The following UTRN variants were observed in gnomAD, a reference collection of about 807,000 sequenced individuals.
The protein encoded by UTRN is dystrophin-related protein 1.
UTRN carries 283 observed loss-of-function variants against 463.9 expected under a neutral mutation model. That is an observed-to-expected ratio of 0.61 (90% CI 0.55 to 0.67). UTRN has a LOEUF of 0.67. Ranked by LOEUF, UTRN falls within the 30% of genes least tolerant of loss-of-function variation. The pLI is 0.00. For synonymous variants in UTRN, 1,442 were observed against 1,431.5 expected (o/e 1.01, Z -0.17); for missense variants, 3,922 against 4,084.3 (o/e 0.96, Z 1.08).
In UTRN at chr6:144,757,918, T is replaced by G. The variant is rs1360431209; in HGVS notation, c.8435-11T>G. 20 of 1,606,376 alleles carry G rather than the reference T, an allele frequency of 1.2e-5. No homozygotes were observed. Among genetic ancestry groups the G allele is most frequent in the Non-Finnish European group, 1.6e-5 (19 of 1,176,092 alleles). On this transcript the variant is annotated splice_polypyrimidine_tract_variant and intron_variant, in intron 57 of 74. Coordinates refer to ENST00000367545, the MANE Select transcript of UTRN (RefSeq NM_007124.3). ...TCCAACGTTTCCAATAATCTCCCTT[T>G]GTTTCCTCAGCGTCAGTCCAGCTGC... is the stretch of plus-strand genomic sequence containing the variant.
At chr6:144,707,643 T>C (rs767261879) in intron 53 of UTRN, among the ~76,000 whole-genome samples, 6 of 152,200 alleles carry the variant, frequency 3.9e-5, no homozygotes. Context: ...GCTCAACCTA[T>C]AGTGTAAATC....
rs181818302 is a variant in UTRN at position 144,360,015 on chromosome 6, T to C, written c.80-43108T>C. On this transcript the variant is annotated intron_variant, in intron 2 of 74. Transcript: ENST00000367545. The stretch of plus-strand genomic sequence containing the variant: ...CCTCTGGTTTCAGTACCCTTTTATT[T>C]CTCTTTTCTTTTCTTTTTTCCCTTC... 1.6e-4 allele frequency among the ~76,000 whole-genome samples: 24 copies of C among 150,648 alleles called. No individual in the cohort carries two copies. The South Asian group carries it at 4.0e-3, about 25-fold the overall frequency.
chr6:144,428,985 T>A, intron 8 of UTRN, 92 bp downstream of exon 8: 1 of 810,718 alleles, frequency 1.2e-6, no homozygotes, highest in Non-Finnish European at 1.9e-6. Context: ...AAAAATGAAT[T>A]ATGAGACTTG....
intron 34 of UTRN, among the ~76,000 whole-genome samples, chr6:144,501,850 A>G (rs1432785334): frequency 6.6e-6 from 1 of 152,148 alleles, no homozygotes. Context: ...TGCACCTACC[A>G]CATGCGAATG....
chr6:144,514,164 T>C, intron 36 of UTRN, 127 bp downstream of exon 36: 1 of 1,308,804 alleles, frequency 7.6e-7, no homozygotes, highest in Non-Finnish European at 1.1e-6. Flanking sequence ...TAACATTTAT[T>C]TTGATGGGAG....
chr6:144,533,074 C>G lies in UTRN; in HGVS notation c.6058-11C>G, dbSNP rs1361304908. ...TTAGTGAAACTAATCTTGAGTTGTGCTCTGTTACAGGAACTTGAGGTGGGC... is the reference window on the plus strand; with the variant it reads ...TTAGTGAAACTAATCTTGAGTTGTGGTCTGTTACAGGAACTTGAGGTGGGC... On this transcript the variant is annotated splice_polypyrimidine_tract_variant and intron_variant, in intron 42 of 74. Coordinates refer to ENST00000367545, the MANE Select transcript of UTRN (RefSeq NM_007124.3). 6.8e-7 allele frequency: 1 copy of G among 1,463,318 alleles called. No homozygotes were observed. Among genetic ancestry groups the G allele is most frequent in the African/African-American group, 1.4e-5 (1 of 71,662 alleles). 90.6% of individuals were successfully genotyped at this position (1,463,318 alleles called of 1,614,324 possible).
intron 73 of UTRN, among the ~76,000 whole-genome samples, chr6:144,843,934 A>G (rs1216370412): frequency 1.3e-5 from 2 of 152,214 alleles, no homozygotes; most frequent in African/African-American, 2.4e-5. Context: ...TATAATAGTC[A>G]TAGTTTTCTG....
At chr6:144,291,655 G>A (rs1012326755) in intron 1 of UTRN, 82 bp from the exon 2 acceptor site, 2 of 453,208 alleles carry the variant, frequency 4.4e-6, no homozygotes, top group African/African-American at 4.0e-5. Flanking sequence ...TAAATATTTG[G>A]TGAATGAATA....
In UTRN at chr6:144,824,775, G is replaced by C. The variant is rs531941290; in HGVS notation, c.9495-2573G>C. Among the ~76,000 whole-genome samples, 241 of 145,200 alleles carry C rather than the reference G, an allele frequency of 1.7e-3. 6 individuals are homozygous for C. The highest frequency in any genetic ancestry group is 5.8e-3 in the African/African-American group (220 of 37,920). On this transcript the variant is annotated intron_variant, in intron 66 of 74. Coordinates refer to ENST00000367545, the MANE Select transcript of UTRN (RefSeq NM_007124.3). ...TAGGCAGTATGTGAAGTTGGTGGTG[G>C]GGGGGGGTGTCCCCCCAGCGTTAAG... is the stretch of plus-strand genomic sequence containing the variant.
intron 2 of UTRN, among the ~76,000 whole-genome samples, chr6:144,320,061 C>CCAGGCTTG (rs1288603917): frequency 6.6e-6 from 1 of 151,094 alleles, no homozygotes; most frequent in Non-Finnish European, 1.5e-5. Flanking sequence ...ACCGTGTTGG[C>CCAGGCTTG]CAGGCTTGCC....
chr6:144,404,668 G>T (rs1441688401), intron 3 of UTRN, among the ~76,000 whole-genome samples: 5 of 152,106 alleles, frequency 3.3e-5, no homozygotes, highest in Admixed American at 1.3e-4. Context: ...ATTAAACTTG[G>T]TAGACCTAAG....
At chr6:144,596,661 G>A (rs1331838544) in intron 51 of UTRN, among the ~76,000 whole-genome samples, 3 of 152,140 alleles carry the variant, frequency 2.0e-5, no homozygotes. Flanking sequence ...TTAATGAAAT[G>A]TATCTCTTTA....
chr6:144,665,606 T>C (rs939267094), intron 51 of UTRN, among the ~76,000 whole-genome samples: 1 of 152,196 alleles, frequency 6.6e-6, no homozygotes, highest in South Asian at 2.1e-4. Context: ...AAAAAGTAAA[T>C]AAATAAATGT....
chr6:144,589,105 A>G (rs1802756477), intron 51 of UTRN, among the ~76,000 whole-genome samples: 1 of 152,254 alleles, frequency 6.6e-6, no homozygotes, highest in African/African-American at 2.4e-5. Flanking sequence ...ATGTGAAAGT[A>G]TGGCTTCATA....
chr6:144,775,085 A>G (rs1775203588), intron 60 of UTRN, among the ~76,000 whole-genome samples: 1 of 152,182 alleles, frequency 6.6e-6, no homozygotes, highest in Non-Finnish European at 1.5e-5. Context: ...TGTTCTTTTA[A>G]GATAGGGTAA....
intron 66 of UTRN, among the ~76,000 whole-genome samples, chr6:144,824,807 G>A (rs778235013): frequency 4.7e-5 from 7 of 148,882 alleles, no homozygotes; most frequent in Admixed American, 2.0e-4. Context: ...TAAGAATGAC[G>A]CTGAATGATC....
At chr6:144,373,530 G>A (rs1054862747) in intron 2 of UTRN, among the ~76,000 whole-genome samples, 1 of 152,208 alleles carries the variant, frequency 6.6e-6, no homozygotes, top group Non-Finnish European at 1.5e-5. Flanking sequence ...GCAGGGAATG[G>A]GGGAGTAACT....
intron 51 of UTRN, among the ~76,000 whole-genome samples, chr6:144,577,535 C>T (rs1251572720): frequency 6.6e-6 from 1 of 152,166 alleles, no homozygotes; most frequent in Non-Finnish European, 1.5e-5. Context: ...TAGAGGCTCA[C>T]AGCTATTCTG....
At chr6:144,402,635 A>G (rs1163185807) in intron 2 of UTRN, among the ~76,000 whole-genome samples, 1 of 152,250 alleles carries the variant, frequency 6.6e-6, no homozygotes, top group Non-Finnish European at 1.5e-5. Context: ...AAGATTGACC[A>G]TAAACCTTAT....
Sources: allele counts gnomAD v4.1 joint callset (sites outside exome capture counted in the v4.1 genomes callset), GRCh38; gene constraint gnomAD v4.1.1; transcripts MANE v1.5; gene names NCBI Gene and HGNC (gene_info 2026-07-23, HGNC 2026-07-21).